GABRG3: variants seen among roughly 807,000 people sequenced by gnomAD.
The protein encoded by GABRG3 is gamma-aminobutyric acid receptor subunit gamma-3.
A neutral mutation model predicts 48.8 loss-of-function variants in GABRG3; 25 were observed. The ratio of observed to expected loss-of-function variants is 0.51; its 90% confidence interval spans 0.37 to 0.72. GABRG3 has a LOEUF of 0.72. GABRG3 is among the 30% of genes least tolerant of loss of function. The probability of loss-of-function intolerance (pLI) is 0.00; values close to 1 mark genes in which losing one functional copy is unlikely to be tolerated. For missense variants in GABRG3, 394 were observed against 577.9 expected, an observed-to-expected ratio of 0.68 and a Z score of 3.26; for synonymous variants, 227 against 217.6, an observed-to-expected ratio of 1.04 and a Z score of -0.38.
chr15:27,082,696 A>C (rs940893073), intron 3 of GABRG3, among the ~76,000 whole-genome samples: 1 of 152,226 alleles, frequency 6.6e-6, no homozygotes, highest in African/African-American at 2.4e-5. Flanking sequence ...AAGCAAACTC[A>C]TTTAGTTTAT....
chr15:27,118,696 G>C (rs1465041742), intron 3 of GABRG3, among the ~76,000 whole-genome samples: 2 of 152,140 alleles, frequency 1.3e-5, no homozygotes, highest in Non-Finnish European at 2.9e-5. Flanking sequence ...CAGTCATTCT[G>C]CTGATTCACT....
intron 3 of GABRG3, among the ~76,000 whole-genome samples, chr15:27,286,145 CA>C (rs1891603904): frequency 6.6e-6 from 1 of 152,194 alleles, no homozygotes; most frequent in Non-Finnish European, 1.5e-5. Context: ...ATTCACTCAT[CA>C]AGCATTTTCT....
chr15:27,273,839 G>A (rs1413564595), intron 3 of GABRG3, among the ~76,000 whole-genome samples: 1 of 152,118 alleles, frequency 6.6e-6, no homozygotes, highest in African/African-American at 2.4e-5. Context: ...ATAATACATT[G>A]CACCCAAACT....
intron 3 of GABRG3, among the ~76,000 whole-genome samples, chr15:27,307,992 T>C (rs1349596318): frequency 1.5e-5 from 2 of 137,870 alleles, no homozygotes; most frequent in South Asian, 2.3e-4. Context: ...AAAATAAACA[T>C]ATACGTTTAT....
intron 1 of GABRG3, among the ~76,000 whole-genome samples, chr15:26,972,868 C>T (rs1019339420): frequency 4.6e-5 from 7 of 152,150 alleles, no homozygotes; most frequent in African/African-American, 1.7e-4. Flanking sequence ...AAGCCGACTC[C>T]ACCGGTGACT....
intron 6 of GABRG3, among the ~76,000 whole-genome samples, chr15:27,517,812 A>T (rs7162014): frequency 0.63 from 96,439 of 152,028 alleles, 32,002 homozygotes; most frequent in African/African-American, 0.84. Context: ...TTCACATTAC[A>T]TTAAAATATA....
At chr15:27,501,217 C>T (rs1296258841) in intron 6 of GABRG3, among the ~76,000 whole-genome samples, 1 of 152,082 alleles carries the variant, frequency 6.6e-6, no homozygotes, top group Non-Finnish European at 1.5e-5. Flanking sequence ...TCCCAAAGTG[C>T]TAGGATTACA....
intron 3 of GABRG3, among the ~76,000 whole-genome samples, chr15:27,241,861 A>G (rs1442937177): frequency 6.6e-6 from 1 of 152,250 alleles, no homozygotes; most frequent in Non-Finnish European, 1.5e-5. Flanking sequence ...TTCACTTTTG[A>G]CAAGAGTTAA....
At chr15:27,278,117 T>A (rs1328215193) in intron 3 of GABRG3, among the ~76,000 whole-genome samples, 1 of 151,758 alleles carries the variant, frequency 6.6e-6, no homozygotes, top group African/African-American at 2.4e-5. Flanking sequence ...AGTGGCATGA[T>A]CTCCACTCAC....
At chr15:27,169,439 A>G (rs1887489567) in intron 3 of GABRG3, among the ~76,000 whole-genome samples, 1 of 152,116 alleles carries the variant, frequency 6.6e-6, no homozygotes, top group Admixed American at 6.6e-5. Flanking sequence ...AGGGACGAGA[A>G]GCATGTTGGT....
At chr15:27,108,282 C>T (rs1393312302) in intron 3 of GABRG3, among the ~76,000 whole-genome samples, 1 of 151,914 alleles carries the variant, frequency 6.6e-6, no homozygotes, top group Non-Finnish European at 1.5e-5. Context: ...TTTTAAATTC[C>T]TCCTGAGACT....
chr15:27,308,598 A>G (rs1388706481), intron 3 of GABRG3, among the ~76,000 whole-genome samples: 1 of 144,316 alleles, frequency 6.9e-6, no homozygotes, highest in Non-Finnish European at 1.5e-5. Context: ...TTATATATAA[A>G]CATAATGTAA....
rs766210824 is a variant in GABRG3, at chr15:27,532,928, C to T, written c.*47C>T. 3.8e-6 allele frequency: 6 copies of T among 1,573,578 alleles called. No homozygotes were observed. The South Asian group carries it at 7.1e-5, about 19-fold the overall frequency. On this transcript the variant is annotated 3_prime_UTR_variant, in exon 10 of 10. Transcript: ENST00000615808. ...GAAGAGCATTTGGTACACACTTGAC[C>T]TTCTGTCGTCCCCAGACCAGTAGTG...
intron 3 of GABRG3, among the ~76,000 whole-genome samples, chr15:27,220,003 C>A (rs1889400180): frequency 6.6e-6 from 1 of 152,146 alleles, no homozygotes; most frequent in Admixed American, 6.5e-5. Flanking sequence ...GCTCACCCAG[C>A]ATGCAGACAA....
At chr15:27,247,317 C>T (rs113325232) in intron 3 of GABRG3, among the ~76,000 whole-genome samples, 1,839 of 152,178 alleles carry the variant, frequency 0.012, 33 homozygotes, top group African/African-American at 0.042. Context: ...GCTTAGTGCT[C>T]CTGCCACTCT....
chr15:27,236,119 C>A lies in GABRG3; in HGVS notation c.271-90690C>A, dbSNP rs968874632. Reference sequence around the variant, plus strand: ...TTATATATATTTTTGGCTGGTGTGTCCTGAGCCCCATCAGATCCATGGTAC... The same window carrying A: ...TTATATATATTTTTGGCTGGTGTGTACTGAGCCCCATCAGATCCATGGTAC... On this transcript the variant is annotated intron_variant, in intron 3 of 9. Transcript: ENST00000615808. The surrounding 1 kb of genome is among the most constrained non-coding windows in gnomAD (Gnocchi z 4.4). Among the ~76,000 whole-genome samples, 2 of 152,076 alleles carry A rather than the reference C, an allele frequency of 1.3e-5. No homozygotes were observed. The highest frequency in any genetic ancestry group is 4.8e-5 in the African/African-American group (2 of 41,396).
rs962850750 is a variant in GABRG3 at position 27,541,616 on chromosome 15, A to G, written c.*8735A>G. The G allele has an allele frequency of 6.6e-6, 1 of 152,240 alleles. No individual in the cohort carries two copies. The highest frequency in any genetic ancestry group is 1.5e-5 in the Non-Finnish European group (1 of 68,106). 9.4% of individuals were successfully genotyped at this position (152,240 alleles called of 1,614,324 possible). Reference sequence around the variant, plus strand: ...CCCCGAGGGGGCCGCGCCCTGCCCCAGTGCGTGCGCCTCCTGCCCCAGCAG... The same window carrying G: ...CCCCGAGGGGGCCGCGCCCTGCCCCGGTGCGTGCGCCTCCTGCCCCAGCAG... On this transcript the variant is annotated 3_prime_UTR_variant, in exon 10 of 10. Transcript: ENST00000615808.
At chr15:27,517,196 C>G (rs1227465996) in intron 6 of GABRG3, among the ~76,000 whole-genome samples, 2 of 151,972 alleles carry the variant, frequency 1.3e-5, no homozygotes, top group Non-Finnish European at 2.9e-5. Context: ...CTGAGGCTGC[C>G]TCCTCCGTCA....
At chr15:27,310,012 A>G (rs1222573577) in intron 3 of GABRG3, among the ~76,000 whole-genome samples, 1 of 152,132 alleles carries the variant, frequency 6.6e-6, no homozygotes, top group Admixed American at 6.6e-5. Context: ...TATATGTAAC[A>G]ACTTGGACAA....
Sources: gnomAD v4.1 joint callset for allele counts (sites outside exome capture counted in the v4.1 genomes callset) on GRCh38, gnomAD v4.1.1 for gene constraint, Gnocchi (gnomAD v3.1) non-coding constraint, MANE v1.5 for transcripts, NCBI Gene and HGNC (gene_info 2026-07-23, HGNC 2026-07-21) for gene names.